Variants in SLC35F3 observed in about 807,000 individuals in gnomAD.
SLC35F3 encodes putative thiamine transporter SLC35F3.
A neutral mutation model predicts 49.9 loss-of-function variants in SLC35F3; 25 were observed. The observed-to-expected ratio is 0.50, with a 90% CI of 0.37 to 0.70. The LOEUF (loss-of-function observed/expected upper bound fraction) is 0.70, where lower values mean the gene tolerates loss of function less well. Among genes scored for constraint, SLC35F3 ranks in the 30% least tolerant of loss-of-function variants. The pLI, the probability that SLC35F3 is intolerant of heterozygous loss-of-function variation, is 0.00. For synonymous variants in SLC35F3, 275 were observed against 265.4 expected (o/e 1.04, Z -0.35); for missense variants, 525 against 639.8 (o/e 0.82, Z 1.94).
intron 2 of SLC35F3, among the ~76,000 whole-genome samples, chr1:234,216,814 G>C (rs543108176): frequency 6.6e-6 from 1 of 152,192 alleles, no homozygotes; most frequent in Non-Finnish European, 1.5e-5. Flanking sequence ...ATGCAATAAG[G>C]TAGAGGTAGC....
At chr1:234,298,540 C>T (rs1039152596) in intron 3 of SLC35F3, among the ~76,000 whole-genome samples, 31 of 152,290 alleles carry the variant, frequency 2.0e-4, no homozygotes, top group Non-Finnish European at 3.1e-4. Context: ...AAGTGTTCCT[C>T]GGACACATTT....
intron 2 of SLC35F3, among the ~76,000 whole-genome samples, chr1:234,122,037 T>C (rs1273139868): frequency 2.0e-5 from 3 of 152,256 alleles, no homozygotes; most frequent in Non-Finnish European, 4.4e-5. Context: ...TATGTGTGCA[T>C]GTGTCTTTAT....
At chr1:234,020,758 C>T (rs1020011872) in intron 2 of SLC35F3, among the ~76,000 whole-genome samples, 1 of 152,136 alleles carries the variant, frequency 6.6e-6, no homozygotes, top group Non-Finnish European at 1.5e-5. Context: ...AGATTTTAGG[C>T]TGGAAAATGG....
intron 2 of SLC35F3, among the ~76,000 whole-genome samples, chr1:234,092,422 C>G (rs969494124): frequency 2.6e-5 from 4 of 152,152 alleles, no homozygotes; most frequent in Non-Finnish European, 4.4e-5. Context: ...CTACACTTGC[C>G]CCAGAGTTTC....
At chr1:233,917,791 A>G (rs1330034973) in intron 2 of SLC35F3, among the ~76,000 whole-genome samples, 1 of 152,236 alleles carries the variant, frequency 6.6e-6, no homozygotes, top group East Asian at 1.9e-4. Context: ...CAATAATAGC[A>G]CTATCCAATT....
intron 2 of SLC35F3, among the ~76,000 whole-genome samples, chr1:234,206,526 T>C (rs1416208980): frequency 6.6e-6 from 1 of 151,298 alleles, no homozygotes; most frequent in Non-Finnish European, 1.5e-5. Context: ...AGGGCTCACA[T>C]TGCCTGCATC....
intron 3 of SLC35F3, among the ~76,000 whole-genome samples, chr1:234,270,095 C>T (rs1489986336): frequency 6.6e-6 from 1 of 152,204 alleles, no homozygotes; most frequent in Non-Finnish European, 1.5e-5. Flanking sequence ...GCCCATTGTC[C>T]ACTTGCTCTT....
At chr1:234,153,891 G>A (rs1274098656) in intron 2 of SLC35F3, among the ~76,000 whole-genome samples, 2 of 151,644 alleles carry the variant, frequency 1.3e-5, no homozygotes, top group African/African-American at 2.4e-5. Flanking sequence ...GGCTAACCCC[G>A]TCTCTACTAA....
chr1:234,123,116 C>A (rs1372228936), intron 2 of SLC35F3, among the ~76,000 whole-genome samples: 10 of 152,198 alleles, frequency 6.6e-5, no homozygotes, highest in Admixed American at 3.9e-4. Context: ...TTCTCCACAG[C>A]CTCTCCAGCA....
rs115296106 is a variant in SLC35F3 at position 233,973,378 on chromosome 1, T to A, written c.283+67620T>A. The stretch of plus-strand genomic sequence containing the variant: ...TCCAGGAAGACCATGTTCAGGCACA[T>A]GAGGTGGCCCAGTAATCCCGCAATC... On this transcript the variant is annotated intron_variant, in intron 2 of 7. Transcript: ENST00000366618. Among the ~76,000 whole-genome samples the A allele has an allele frequency of 8.2e-3, 1,245 of 152,290 alleles. 12 individuals are homozygous for A. The highest frequency in any genetic ancestry group is 0.028 in the African/African-American group (1,156 of 41,556).
intron 2 of SLC35F3, among the ~76,000 whole-genome samples, chr1:234,167,851 G>A (rs1242701314): frequency 1.3e-5 from 2 of 152,142 alleles, no homozygotes; most frequent in Non-Finnish European, 2.9e-5. Context: ...TTCCCTAAGG[G>A]ACCTGTCTTG....
At chr1:234,283,177 G>A (rs1281481077) in intron 3 of SLC35F3, among the ~76,000 whole-genome samples, 8 of 152,244 alleles carry the variant, frequency 5.3e-5, no homozygotes, top group South Asian at 2.1e-4. Flanking sequence ...TCTTCATCCC[G>A]TGCAGGGCCC....
chr1:234,127,160 G>A (rs1665659917), intron 2 of SLC35F3, among the ~76,000 whole-genome samples: 1 of 152,094 alleles, frequency 6.6e-6, no homozygotes, highest in South Asian at 2.1e-4. Flanking sequence ...ATCTTTTAAG[G>A]TCCTTTATGA....
At chr1:233,919,979 A>T (rs972378034) in intron 2 of SLC35F3, among the ~76,000 whole-genome samples, 1 of 151,798 alleles carries the variant, frequency 6.6e-6, no homozygotes, top group African/African-American at 2.4e-5. Flanking sequence ...GCTGCTTAGA[A>T]CCCTTGGTAG....
At chr1:234,077,555 G>A (rs1431640425) in intron 2 of SLC35F3, among the ~76,000 whole-genome samples, 2 of 152,182 alleles carry the variant, frequency 1.3e-5, no homozygotes, top group Admixed American at 6.5e-5. Context: ...CCCTTGACAT[G>A]TGGGGATTAT....
At chr1:234,303,297 C>T (rs1416602973) in intron 3 of SLC35F3, among the ~76,000 whole-genome samples, 1 of 152,192 alleles carries the variant, frequency 6.6e-6, no homozygotes, top group Non-Finnish European at 1.5e-5. Flanking sequence ...TTCCCCTAAA[C>T]GTTCTGCCAC....
intron 2 of SLC35F3, among the ~76,000 whole-genome samples, chr1:233,936,228 G>T (rs904196604): frequency 1.3e-5 from 2 of 152,206 alleles, no homozygotes; most frequent in East Asian, 1.9e-4. Context: ...GCCTAGTGAA[G>T]ATAGAAAAGG....
At chr1:234,095,748 A>G (rs558635091) in intron 2 of SLC35F3, among the ~76,000 whole-genome samples, 26 of 152,232 alleles carry the variant, frequency 1.7e-4, no homozygotes, top group African/African-American at 6.0e-4. Context: ...TGCTGGGGGA[A>G]CTTCAGCAGG....
intron 2 of SLC35F3, among the ~76,000 whole-genome samples, chr1:234,080,063 A>G (rs752230972): frequency 2.6e-4 from 39 of 152,288 alleles, no homozygotes; most frequent in Non-Finnish European, 5.1e-4. Context: ...GAGGTGATCA[A>G]CAAGGTGATC....
Sources: allele counts gnomAD v4.1 joint callset (sites outside exome capture counted in the v4.1 genomes callset), GRCh38; gene constraint gnomAD v4.1.1; transcripts MANE v1.5; gene names NCBI Gene and HGNC (gene_info 2026-07-23, HGNC 2026-07-21).